Variants in DENND5A observed in about 807,000 individuals in gnomAD.
DENND5A encodes DENN domain-containing protein 5A.
In DENND5A, 64 loss-of-function variants were observed where a neutral mutation model predicts 140.3. That is an observed-to-expected ratio of 0.46 (90% CI 0.37 to 0.56). The LOEUF (loss-of-function observed/expected upper bound fraction) is 0.56. Ranked by LOEUF, DENND5A falls within the 20% of genes least tolerant of loss-of-function variation. The pLI, the probability that DENND5A is intolerant of heterozygous loss-of-function variation, is 0.00. For missense variants in DENND5A, 1,292 were observed against 1,593.8 expected, an observed-to-expected ratio of 0.81 and a Z score of 3.22; for synonymous variants, 605 against 607.7, an observed-to-expected ratio of 1.00 and a Z score of 0.07.
intron 1 of DENND5A, among the ~76,000 whole-genome samples, chr11:9,250,441 A>G (rs1322850363): frequency 2.0e-5 from 3 of 152,186 alleles, no homozygotes; most frequent in Admixed American, 2.0e-4. Context: ...CCTCTACTGC[A>G]ATGTGGGCTG....
chr11:9,157,851 ACTAT>A (rs1333470396), intron 12 of DENND5A, among the ~76,000 whole-genome samples: 4 of 152,206 alleles, frequency 2.6e-5, no homozygotes, highest in African/African-American at 7.2e-5. Flanking sequence ...GTTTTTATTA[ACTAT>A]CTATCTTTCA....
At chr11:9,177,585 T>C (rs1269813027) in intron 8 of DENND5A, among the ~76,000 whole-genome samples, 1 of 151,826 alleles carries the variant, frequency 6.6e-6, no homozygotes, top group Non-Finnish European at 1.5e-5. Context: ...AGCCCAAGAG[T>C]TCAAAAGCTG....
Position 9,141,918 on chromosome 11 carries a change from C to T in DENND5A, c.3680+22G>A, listed in dbSNP as rs1847255985. The T allele has an allele frequency of 7.1e-6, 11 of 1,557,906 alleles. No homozygotes were observed. The Admixed American group carries it at 1.8e-4, about 26-fold the overall frequency. On this transcript the variant is annotated intron_variant, in intron 22 of 22. Coordinates refer to ENST00000328194, the MANE Select transcript of DENND5A (RefSeq NM_015213.4). Reference sequence around the variant, plus strand: ...CCACCAAGGCTAACCGCTGTGCACTCTGGGCCCTGGGTCTGCAGTACCTGG... The same window carrying T: ...CCACCAAGGCTAACCGCTGTGCACTTTGGGCCCTGGGTCTGCAGTACCTGG...
At chr11:9,257,568 G>A (rs1448563951) in intron 1 of DENND5A, among the ~76,000 whole-genome samples, 10 of 138,676 alleles carry the variant, frequency 7.2e-5, no homozygotes, top group Admixed American at 3.8e-4. Context: ...TGCAAGCTCC[G>A]CCTCCCAGGT....
intron 20 of DENND5A, 97 bp from the exon 21 acceptor site, chr11:9,142,942 T>G: frequency 1.3e-6 from 2 of 1,503,332 alleles, no homozygotes; most frequent in Admixed American, 4.0e-5. Flanking sequence ...TTGGGAGGGC[T>G]GCAAAAGACA....
intron 5 of DENND5A, among the ~76,000 whole-genome samples, chr11:9,192,649 A>C (rs1226994248): frequency 1.4e-5 from 2 of 147,470 alleles, no homozygotes; most frequent in African/African-American, 5.0e-5. Flanking sequence ...AAAAAAAAAC[A>C]AAAAAAAAAC....
chr11:9,204,978 G>C (rs1300633612), intron 3 of DENND5A, among the ~76,000 whole-genome samples: 1 of 152,212 alleles, frequency 6.6e-6, no homozygotes, highest in East Asian at 1.9e-4. Flanking sequence ...TTAGGAAATG[G>C]TAGGTGGTTA....
intron 8 of DENND5A, chr11:9,175,516 C>T (rs1453833726): frequency 6.6e-6 from 1 of 152,114 alleles, no homozygotes; most frequent in Non-Finnish European, 1.5e-5. Context: ...GCCAAAACAA[C>T]TTTGAAAAGA....
intron 1 of DENND5A, among the ~76,000 whole-genome samples, chr11:9,212,766 A>G (rs1849928976): frequency 6.6e-6 from 1 of 152,342 alleles, no homozygotes; most frequent in African/African-American, 2.4e-5. Context: ...GTAGACCTGT[A>G]CAGGAATGAG....
chr11:9,191,912 C>G (rs1020162091), intron 5 of DENND5A, among the ~76,000 whole-genome samples: 9 of 152,176 alleles, frequency 5.9e-5, no homozygotes, highest in African/African-American at 2.2e-4. Flanking sequence ...CAACAAAAAG[C>G]TCTTCTTTCT....
At chr11:9,148,848 T>C (rs1320877918) in intron 15 of DENND5A, among the ~76,000 whole-genome samples, 1 of 152,230 alleles carries the variant, frequency 6.6e-6, no homozygotes, top group African/African-American at 2.4e-5. Flanking sequence ...TGTGGGCATC[T>C]CCTGCTTAGA....
At chr11:9,263,526 C>T (rs1377752610) in intron 1 of DENND5A, among the ~76,000 whole-genome samples, 1 of 151,042 alleles carries the variant, frequency 6.6e-6, no homozygotes, top group Non-Finnish European at 1.5e-5. Context: ...TGGGCCACCG[C>T]GCCCCGCCTA....
intron 4 of DENND5A, among the ~76,000 whole-genome samples, chr11:9,198,395 G>A (rs1008802391): frequency 1.3e-5 from 2 of 151,412 alleles, no homozygotes; most frequent in African/African-American, 2.4e-5. Context: ...GGTGGATCAC[G>A]AGGTCAAGAA....
chr11:9,189,619 T>G (rs900848727), intron 5 of DENND5A, among the ~76,000 whole-genome samples: 4 of 80,510 alleles, frequency 5.0e-5, no homozygotes, highest in Non-Finnish European at 1.2e-4. Context: ...TGTTGTTTGG[T>G]TTTTTTTTTT....
chr11:9,174,081 C>A (rs1257102785), intron 8 of DENND5A, among the ~76,000 whole-genome samples: 2 of 103,224 alleles, frequency 1.9e-5, no homozygotes, highest in Admixed American at 1.6e-4. Flanking sequence ...CCAGCCTGGG[C>A]GATAGAGCAA....
chr11:9,156,643 GATACAAAA>G (rs1847812132), intron 12 of DENND5A, among the ~76,000 whole-genome samples: 1 of 149,302 alleles, frequency 6.7e-6, no homozygotes, highest in Non-Finnish European at 1.5e-5. Flanking sequence ...AAAAAAAAAA[GATACAAAA>G]ATTAGCCAGG....
intron 1 of DENND5A, among the ~76,000 whole-genome samples, chr11:9,260,186 T>C (rs889678934): frequency 1.3e-5 from 2 of 152,012 alleles, no homozygotes. Flanking sequence ...CCTGGGAAAA[T>C]TGGAGTACAA....
intron 20 of DENND5A, chr11:9,143,115 C>A: frequency 1.7e-6 from 1 of 587,468 alleles, no homozygotes; most frequent in Non-Finnish European, 3.0e-6. Flanking sequence ...GGCCACTATT[C>A]AAGGAGACCC....
chr11:9,210,494 T>C (rs553699256), intron 1 of DENND5A, among the ~76,000 whole-genome samples: 8 of 152,326 alleles, frequency 5.3e-5, no homozygotes, highest in Non-Finnish European at 8.8e-5. Context: ...GAACTTCTAA[T>C]AGGTTTTTTA....
Sources: gnomAD v4.1 joint callset for allele counts (sites outside exome capture counted in the v4.1 genomes callset) on GRCh38, gnomAD v4.1.1 for gene constraint, MANE v1.5 for transcripts, NCBI Gene and HGNC (gene_info 2026-07-23, HGNC 2026-07-21) for gene names.